PUDP: variants seen among roughly 807,000 people sequenced by gnomAD.
The protein encoded by PUDP is pseudouridine-5'-phosphatase.
A neutral mutation model predicts 9.4 loss-of-function variants in PUDP; 8 were observed. That is an observed-to-expected ratio of 0.85 (90% CI 0.50 to 1.53). The LOEUF is 1.53. PUDP is among the 40% of genes most tolerant of loss of function. PUDP has a pLI of 0.00. For missense variants in PUDP, 188 were observed against 189.7 expected, an observed-to-expected ratio of 0.99 and a Z score of 0.05; for synonymous variants, 99 against 80.7, an observed-to-expected ratio of 1.23 and a Z score of -1.22.
chrX:6,812,417 A>C (rs1048079029), intron 3 of PUDP, among the ~76,000 whole-genome samples: 54 of 112,215 alleles, frequency 4.8e-4, no homozygotes, highest in African/African-American at 1.7e-3. Flanking sequence ...TTCCATTGTT[A>C]TGCAAATTAC....
intron 1 of PUDP, among the ~76,000 whole-genome samples, chrX:7,126,373 G>A (rs1367539671): frequency 8.9e-6 from 1 of 111,867 alleles, no homozygotes; most frequent in Non-Finnish European, 1.9e-5. Flanking sequence ...CAGAAATTCA[G>A]GAAAACATTG....
chrX:7,013,285 G>A (rs945310529), intron 1 of PUDP, among the ~76,000 whole-genome samples: 4 of 111,747 alleles, frequency 3.6e-5, no homozygotes, highest in African/African-American at 1.3e-4. Context: ...TGGTTTTCCA[G>A]GGAATAAAAT....
intron 1 of PUDP, 143 bp downstream of exon 1, chrX:7,147,910 G>T: frequency 2.4e-6 from 1 of 410,131 alleles, no homozygotes; most frequent in Non-Finnish European, 4.1e-6. Context: ...GGGCCAGCCG[G>T]GGGCAGAGCG....
rs777209718 is a variant in PUDP, at chrX:6,947,751, C to T, written c.*247+29382G>A. Among the ~76,000 whole-genome samples, 8 of 108,135 alleles carry T rather than the reference C, an allele frequency of 7.4e-5. No homozygotes were observed. The South Asian group carries it at 3.3e-3, about 45-fold the overall frequency. The allele number at this position is 108,135 out of a possible 115,157, so 93.9% of individuals were successfully genotyped here. A position where few individuals can be genotyped will look rare whatever the true frequency, so the allele number is the denominator to read the frequency against. ...AGGTTACAGTGCACTGTGATCACAC[C>T]AGACGTAGTGAGACCCTGTCTCAAA... On this transcript the variant is annotated intron_variant and NMD_transcript_variant, in intron 3 of 3. Transcript: ENST00000655425.
chrX:6,914,591 C>T (rs1479397027), intron 3 of PUDP, among the ~76,000 whole-genome samples: 1 of 112,103 alleles, frequency 8.9e-6, no homozygotes, highest in East Asian at 2.8e-4. Context: ...AATGGCCCTG[C>T]AGGAACAATG....
At chrX:7,008,309 G>T (rs1247063322) in intron 1 of PUDP, among the ~76,000 whole-genome samples, 2 of 111,007 alleles carry the variant, frequency 1.8e-5, no homozygotes, top group Non-Finnish European at 1.9e-5. Context: ...TAATCCCAAG[G>T]TCGGTGAATC....
Position 6,940,562 on chromosome X carries a change from G to A in PUDP, c.*247+36571C>T, listed in dbSNP as rs190399216. Among the ~76,000 whole-genome samples, 239 of 111,824 alleles carry A rather than the reference G, an allele frequency of 2.1e-3. 1 individual carries two copies. The highest frequency in any genetic ancestry group is 3.9e-3 in the Non-Finnish European group (205 of 53,189). ...CATGTTGCAGCTGTTCTTGAAGATAGCGAAGTTGGAGGCCTGACTAGAACT... is the reference window on the plus strand; with the variant it reads ...CATGTTGCAGCTGTTCTTGAAGATAACGAAGTTGGAGGCCTGACTAGAACT... On this transcript the variant is annotated intron_variant and NMD_transcript_variant, in intron 3 of 3. Coordinates refer to the PUDP transcript ENST00000655425.
At chrX:6,962,529 T>C (rs914824041) in intron 3 of PUDP, among the ~76,000 whole-genome samples, 11 of 112,323 alleles carry the variant, frequency 9.8e-5, no homozygotes, top group African/African-American at 3.2e-4. Flanking sequence ...AAAGGTCTTA[T>C]TTTGTTAAAG....
At chrX:6,832,879 T>C (rs1230370018) in intron 3 of PUDP, among the ~76,000 whole-genome samples, 1 of 111,261 alleles carries the variant, frequency 9.0e-6, no homozygotes, top group Non-Finnish European at 1.9e-5. Context: ...ACATTCCTAA[T>C]GGTTAATTCT....
At chrX:6,896,130 C>T (rs1053630668) in intron 3 of PUDP, among the ~76,000 whole-genome samples, 2 of 112,086 alleles carry the variant, frequency 1.8e-5, no homozygotes, top group African/African-American at 6.5e-5. Flanking sequence ...TCTACCTCAA[C>T]AGGCAGGAGT....
intron 3 of PUDP, among the ~76,000 whole-genome samples, chrX:6,881,964 C>CT (rs199805629): frequency 0.1 from 10,361 of 99,554 alleles, 694 homozygotes; most frequent in East Asian, 0.43. Flanking sequence ...AGAGGAATCT[C>CT]TTTTTTTTTT....
chrX:6,773,841 A>T (rs1302297359), intron 3 of PUDP, among the ~76,000 whole-genome samples: 2 of 111,950 alleles, frequency 1.8e-5, no homozygotes, highest in African/African-American at 6.5e-5. Context: ...TCTGCAGGAA[A>T]TTAAAAGTGG....
chrX:6,833,570 G>A (rs1008463703), intron 3 of PUDP, among the ~76,000 whole-genome samples: 6 of 111,328 alleles, frequency 5.4e-5, no homozygotes, highest in African/African-American at 2.0e-4. Flanking sequence ...AGGCTGAGTG[G>A]GTGAATGGAT....
chrX:6,814,227 G>T (rs955284053), intron 3 of PUDP, among the ~76,000 whole-genome samples: 89 of 111,010 alleles, frequency 8.0e-4, no homozygotes, highest in African/African-American at 2.8e-3. Context: ...GAACTATCCT[G>T]GCACCCAGTT....
downstream of PUDP, among the ~76,000 whole-genome samples, chrX:7,046,577 A>G (rs1929986110): frequency 8.9e-6 from 1 of 112,806 alleles, no homozygotes; most frequent in Admixed American, 9.4e-5. Flanking sequence ...TGGTTTACAA[A>G]CAGATAGGTA....
intron 3 of PUDP, among the ~76,000 whole-genome samples, chrX:6,747,346 A>G (rs1400271830): frequency 9.0e-6 from 1 of 111,651 alleles, no homozygotes; most frequent in Non-Finnish European, 1.9e-5. Flanking sequence ...CCATCCTATG[A>G]CTCATCTTGA....
At chrX:6,785,527 G>A (rs762229366) in intron 3 of PUDP, among the ~76,000 whole-genome samples, 1 of 110,295 alleles carries the variant, frequency 9.1e-6, no homozygotes, top group East Asian at 2.8e-4. Context: ...TCCCCGGATG[G>A]CATTCCAATC....
chrX:6,988,384 G>A (rs1359906726), intron 1 of PUDP, among the ~76,000 whole-genome samples: 4 of 111,818 alleles, frequency 3.6e-5, no homozygotes, highest in African/African-American at 1.3e-4. Context: ...GATGAACTGG[G>A]AGAGAAGAGA....
intron 1 of PUDP, among the ~76,000 whole-genome samples, chrX:7,021,885 G>A (rs1269725222): frequency 8.9e-6 from 1 of 112,153 alleles, no homozygotes; most frequent in Non-Finnish European, 1.9e-5. Context: ...AATATAGTAT[G>A]GCTGATTTTA....
Sources: allele counts gnomAD v4.1 joint callset (sites outside exome capture counted in the v4.1 genomes callset), GRCh38; gene constraint gnomAD v4.1.1; transcripts MANE v1.5; gene names NCBI Gene and HGNC (gene_info 2026-07-23, HGNC 2026-07-21).